Variants in WDFY3 observed in about 807,000 individuals in gnomAD.
WDFY3 encodes WD repeat and FYVE domain-containing protein 3.
A neutral mutation model predicts 409.6 loss-of-function variants in WDFY3; 66 were observed. That is an observed-to-expected ratio of 0.16 (90% CI 0.13 to 0.20). The LOEUF is 0.20. WDFY3 is among the 10% of genes least tolerant of loss of function. The pLI, the probability that WDFY3 is intolerant of heterozygous loss-of-function variation, is 1.00. For synonymous variants in WDFY3, 1,521 were observed against 1,537.1 expected, an observed-to-expected ratio of 0.99 and a Z score of 0.25; for missense variants, 3,031 against 4,298.1, an observed-to-expected ratio of 0.71 and a Z score of 8.24.
rs187025276 is a variant in WDFY3, at chr4:84,837,501, T to C, written c.415-411A>G. Among the ~76,000 whole-genome samples, 134 of 152,284 alleles carry C rather than the reference T, an allele frequency of 8.8e-4. 1 individual carries two copies. Among genetic ancestry groups the C allele is most frequent in the African/African-American group, 3.1e-3 (127 of 41,564 alleles). ...TGGCTAACATGAGAGTTATGTAAGA[T>C]AATACATACAAAGAAACATTAAGCA... On this transcript the variant is annotated intron_variant, in intron 6 of 67. Transcript: ENST00000295888.
chr4:84,768,191 G>A (rs1472028301), intron 30 of WDFY3, among the ~76,000 whole-genome samples: 1 of 152,232 alleles, frequency 6.6e-6, no homozygotes, highest in Non-Finnish European at 1.5e-5. Flanking sequence ...GAAAGACGAA[G>A]CAGCAAGTGC....
intron 13 of WDFY3, among the ~76,000 whole-genome samples, chr4:84,814,293 T>C (rs1423357378): frequency 6.6e-6 from 1 of 152,202 alleles, no homozygotes; most frequent in Non-Finnish European, 1.5e-5. Context: ...CTACCATTTA[T>C]TTGCCTTCCC....
intron 2 of WDFY3, among the ~76,000 whole-genome samples, chr4:84,921,700 C>T (rs1468880787): frequency 7.2e-6 from 1 of 139,166 alleles, no homozygotes; most frequent in Admixed American, 7.7e-5. Context: ...CTCTGTCGCC[C>T]AGGCTGGAGT....
At chr4:84,681,680 C>A (rs987869348) in intron 64 of WDFY3, among the ~76,000 whole-genome samples, 7 of 151,410 alleles carry the variant, frequency 4.6e-5, no homozygotes, top group African/African-American at 1.5e-4. Context: ...AAACTTCAAA[C>A]CTTGTTCCTT....
At chr4:84,729,526 T>C (rs1042539206) in intron 44 of WDFY3, among the ~76,000 whole-genome samples, 6 of 151,964 alleles carry the variant, frequency 3.9e-5, no homozygotes, top group Non-Finnish European at 7.4e-5. Context: ...TAATTATAGT[T>C]GATAAACTAT....
chr4:84,702,259 A>T, intron 56 of WDFY3, 94 bp downstream of exon 56: 1 of 1,306,544 alleles, frequency 7.7e-7, no homozygotes, highest in Non-Finnish European at 1.0e-6. Context: ...TTTTCTTGTT[A>T]ATGTGTGCTG....
intron 32 of WDFY3, 26 bp from the exon 33 acceptor site, chr4:84,757,187 A>T (rs781778466): frequency 6.2e-7 from 1 of 1,600,130 alleles, no homozygotes; most frequent in Non-Finnish European, 8.6e-7. Flanking sequence ...TATAACAGTA[A>T]GTGCAAAATC....
intron 3 of WDFY3, among the ~76,000 whole-genome samples, chr4:84,884,991 A>T (rs1415863570): frequency 6.6e-6 from 1 of 152,038 alleles, no homozygotes; most frequent in Non-Finnish European, 1.5e-5. Flanking sequence ...AAGAACATAC[A>T]TATTCTTTGT....
At chr4:84,909,774 T>C (rs1162698873) in intron 2 of WDFY3, among the ~76,000 whole-genome samples, 4 of 152,148 alleles carry the variant, frequency 2.6e-5, no homozygotes, top group African/African-American at 9.7e-5. Context: ...ATTGCATTTT[T>C]TCTGCAAGCA....
chr4:84,860,479 G>A lies in WDFY3; in HGVS notation c.113C>T (p.Pro38Leu), dbSNP rs1760450319. The A allele has an allele frequency of 1.2e-6, 2 of 1,613,992 alleles. No homozygotes were observed. The highest frequency in any genetic ancestry group is 1.7e-6 in the Non-Finnish European group (2 of 1,179,996). Residue 38 changes from proline (P) to leucine (L), a missense_variant, in exon 4 of 68, where the codon CCT becomes CTT. Transcript: ENST00000295888. ...TTCCTTCTGAGTCATGTGCCGGGGA[G>A]GATGGCACAACTCCGTGAAGAGCCG... is the stretch of plus-strand genomic sequence containing the variant. The part of the protein sequence containing the change: ...LRRLFTELCH[P>L]PRHMTQKEQE...
intron 1 of WDFY3, among the ~76,000 whole-genome samples, chr4:84,956,124 C>T (rs1774209942): frequency 6.6e-6 from 1 of 152,082 alleles, no homozygotes; most frequent in Non-Finnish European, 1.5e-5. Context: ...GGCTGGAGAA[C>T]AGAAGGAAAC....
rs149420923 is a variant in WDFY3 at position 84,824,666 on chromosome 4, G to A, written c.1123+2149C>T. 3.5e-3 allele frequency among the ~76,000 whole-genome samples: 527 copies of A among 152,230 alleles called. 1 individual carries two copies. Among genetic ancestry groups the A allele is most frequent in the South Asian group, 7.3e-3 (35 of 4,824 alleles). On this transcript the variant is annotated intron_variant, in intron 10 of 67. Coordinates refer to ENST00000295888, the MANE Select transcript of WDFY3 (RefSeq NM_014991.6). ...GAAAATATTCCACATCATGATTACG[G>A]TGGTGATTACACAACCATATCCACT...
At chr4:84,883,041 C>T (rs932525011) in intron 3 of WDFY3, among the ~76,000 whole-genome samples, 2 of 152,030 alleles carry the variant, frequency 1.3e-5, no homozygotes, top group Admixed American at 1.3e-4. Flanking sequence ...AGTCTACAAA[C>T]GAAATATAAA....
intron 36 of WDFY3, among the ~76,000 whole-genome samples, chr4:84,748,934 T>C (rs910199393): frequency 1.3e-5 from 2 of 151,940 alleles, no homozygotes; most frequent in African/African-American, 4.8e-5. Flanking sequence ...CAGGCTGGAA[T>C]GCATTGGAAT....
At chr4:84,788,863 T>A (rs544496574) in intron 22 of WDFY3, among the ~76,000 whole-genome samples, 253 of 152,022 alleles carry the variant, frequency 1.7e-3, no homozygotes, top group African/African-American at 5.9e-3. Flanking sequence ...CTACTAAAAA[T>A]ACAAAAATTA....
rs574029769 is a variant in WDFY3 at position 84,953,657 on chromosome 4, CATATT to C, written c.-226+12547_-226+12551del. ...GCTTCAGGAGCAAGAGTAAGATTCT[CATATT>C]ATAAGTATTTTTTTTCCTAAGTATC... On this transcript the variant is annotated intron_variant, in intron 1 of 67. Coordinates refer to ENST00000295888, the MANE Select transcript of WDFY3 (RefSeq NM_014991.6). 4.1e-3 allele frequency among the ~76,000 whole-genome samples: 620 copies of C among 152,130 alleles called. 1 individual carries two copies. Among genetic ancestry groups the C allele is most frequent in the Non-Finnish European group, 5.4e-3 (370 of 67,942 alleles).
intron 21 of WDFY3, among the ~76,000 whole-genome samples, 162 bp from the exon 22 acceptor site, chr4:84,790,069 G>A (rs1323521573): frequency 6.6e-6 from 1 of 152,134 alleles, no homozygotes; most frequent in Non-Finnish European, 1.5e-5. Flanking sequence ...GATAATGCGG[G>A]TTGGGCACGG....
chr4:84,718,057 CAAAAAA>C (rs35076143), intron 48 of WDFY3, among the ~76,000 whole-genome samples: 70 of 61,354 alleles, frequency 1.1e-3, no homozygotes, highest in African/African-American at 4.3e-3. Flanking sequence ...GACACTGTCT[CAAAAAA>C]AAAAAAAAAA....
At position 84,838,021 on chromosome 4, in the gene WDFY3, C is replaced by T. The variant is rs1002308005; in HGVS notation, c.415-931G>A. Among the ~76,000 whole-genome samples, 8 of 152,176 alleles carry T rather than the reference C, an allele frequency of 5.3e-5. No individual in the cohort carries two copies. In the South Asian group the frequency reaches 1.7e-3, roughly 32 times the overall value. ...TACAGGCTAATATAAAAGGGATTGACTAACACTGCCAGGAATGGCATTAAA... is the reference window on the plus strand; with the variant it reads ...TACAGGCTAATATAAAAGGGATTGATTAACACTGCCAGGAATGGCATTAAA... On this transcript the variant is annotated intron_variant, in intron 6 of 67. Transcript: ENST00000295888.
Sources: allele counts gnomAD v4.1 joint callset (sites outside exome capture counted in the v4.1 genomes callset), GRCh38; gene constraint gnomAD v4.1.1; transcripts MANE v1.5; gene names NCBI Gene and HGNC (gene_info 2026-07-23, HGNC 2026-07-21).